Variants in SEC31B observed in about 807,000 individuals in gnomAD.
The protein encoded by SEC31B is protein transport protein Sec31B.
In SEC31B, 113 loss-of-function variants were observed where a neutral mutation model predicts 135.0. The ratio of observed to expected loss-of-function variants is 0.84; its 90% CI spans 0.72 to 0.98. The LOEUF is 0.98. SEC31B is among the 50% of genes least tolerant of loss of function. The pLI, the probability that SEC31B is intolerant of heterozygous loss-of-function variation, is 0.00. For missense variants in SEC31B, 1,296 were observed against 1,421.1 expected (o/e 0.91, Z 1.42); for synonymous variants, 508 against 549.4 (o/e 0.92, Z 1.05).
chr10:100,498,983 C>A (rs748737132), intron 13 of SEC31B, among the ~76,000 whole-genome samples, 177 bp downstream of exon 13: 5 of 152,174 alleles, frequency 3.3e-5, no homozygotes, highest in Non-Finnish European at 5.9e-5. Flanking sequence ...CCACTCCCAG[C>A]CCAAAAGCTT....
rs759530655 is a variant in SEC31B at position 100,507,936 on chromosome 10, A to AT, written c.610dup (p.Ile204AsnfsTer6). On this transcript the variant is annotated frameshift_variant, in exon 6 of 26. Coordinates refer to ENST00000370345, the MANE Select transcript of SEC31B (RefSeq NM_015490.4). LOFTEE classifies it high-confidence loss of function. ...GTTGCTGTGATCACTGACTTTGATG[A>AT]TAGGTTCATTCTTCCTGAGATCCCA... 6.2e-7 allele frequency: 1 copy of AT among 1,614,136 alleles called. No homozygotes were observed. The highest frequency in any genetic ancestry group is 2.2e-5 in the East Asian group (1 of 44,882).
At chr10:100,489,017 G>GTCCTTC in intron 23 of SEC31B, 43 bp from the exon 24 acceptor site, 1 of 1,563,178 alleles carries the variant, frequency 6.4e-7, no homozygotes, top group Non-Finnish European at 8.6e-7. Context: ...GGGGCAAGCT[G>GTCCTTC]TCCTTCTCAT....
rs778281606 is a variant in SEC31B, at chr10:100,499,540, T to C, written c.1469A>G (p.Asp490Gly). Residue 490 changes from aspartate (D) to glycine (G), a missense_variant, in exon 12 of 26, where the codon GAT becomes GGT. Physicochemically the swap from Asp to Gly is moderately conservative, Grantham distance 94 (BLOSUM62 -1). Coordinates refer to ENST00000370345, the MANE Select transcript of SEC31B (RefSeq NM_015490.4). ...KFLKLLGYSK[D>G]ELQKKVATWL... ...GCAGCTTACCTTCTTCTGAAGCTCA[T>C]CTTTACTGTATCCTAAAAGCTTTAG... is the stretch of plus-strand genomic sequence containing the variant. 6.2e-7 allele frequency: 1 copy of C among 1,611,218 alleles called. No homozygotes were observed. The highest frequency in any genetic ancestry group is 1.1e-5 in the South Asian group (1 of 90,198).
At chr10:100,511,605 A>AT (rs1446036820) in intron 3 of SEC31B, among the ~76,000 whole-genome samples, 3 of 152,268 alleles carry the variant, frequency 2.0e-5, no homozygotes, top group South Asian at 2.1e-4. Flanking sequence ...CCCTATGTCT[A>AT]TTTTTTTAAA....
At chr10:100,505,284 A>G (rs569710195) in intron 10 of SEC31B, 77 bp downstream of exon 10, 41 of 1,557,082 alleles carry the variant, frequency 2.6e-5, no homozygotes, top group African/African-American at 2.4e-4. Context: ...TGCTGGGCAC[A>G]TGGTAGGCTT....
rs1372986829 is a variant in SEC31B, at chr10:100,519,808, C to G, written c.-72G>C. 3 of 152,324 alleles carry G rather than the reference C, an allele frequency of 2.0e-5. No homozygotes were observed. Among genetic ancestry groups the G allele is most frequent in the African/African-American group, 7.2e-5 (3 of 41,470 alleles). 9.4% of individuals were successfully genotyped at this position (152,324 alleles called of 1,614,324 possible). A position where few individuals can be genotyped will look rare whatever the true frequency, so the allele number is the denominator to read the frequency against. On this transcript the variant is annotated 5_prime_UTR_variant, in exon 1 of 26. Coordinates refer to ENST00000370345, the MANE Select transcript of SEC31B (RefSeq NM_015490.4). ...TGTGCGGAAGACCCCGGACAAGGGT[C>G]AGGCGCGGCGGCCGGAGCCGCTCCT...
At chr10:100,500,403 C>T (rs1023538463) in intron 11 of SEC31B, among the ~76,000 whole-genome samples, 4 of 152,110 alleles carry the variant, frequency 2.6e-5, no homozygotes, top group Non-Finnish European at 5.9e-5. Flanking sequence ...CAACCTCCAC[C>T]CTCAGGGTTC....
Position 100,488,007 on chromosome 10 carries a change from G to C in SEC31B, c.3360+20C>G. 1 of 1,611,184 alleles carries C rather than the reference G, an allele frequency of 6.2e-7. No individual in the cohort carries two copies. Among genetic ancestry groups the C allele is most frequent in the East Asian group, 2.2e-5 (1 of 44,876 alleles). ...GGTGGAAGTGTAGGAGGCAGTGGGA[G>C]CACAGCTAGCTGTACTTACTGTCCC... On this transcript the variant is annotated intron_variant, in intron 25 of 25. Transcript: ENST00000370345.
At chr10:100,512,248 C>A (rs1420252657) in intron 3 of SEC31B, among the ~76,000 whole-genome samples, 2 of 152,178 alleles carry the variant, frequency 1.3e-5, no homozygotes, top group Non-Finnish European at 2.9e-5. Context: ...GTTATGGGGG[C>A]CACTCCAGAG....
chr10:100,505,787 A>T, intron 9 of SEC31B: 1 of 1,423,486 alleles, frequency 7.0e-7, no homozygotes, highest in South Asian at 1.6e-5. Context: ...TGTCCCAGCA[A>T]AGGGGTCCCA....
intron 2 of SEC31B, among the ~76,000 whole-genome samples, chr10:100,516,484 A>T (rs920652537): frequency 4.0e-5 from 6 of 151,800 alleles, no homozygotes; most frequent in African/African-American, 1.2e-4. Flanking sequence ...TGTCTCTACT[A>T]AAACTACAAA....
chr10:100,507,895 C>T lies in SEC31B; in HGVS notation c.639+13G>A, dbSNP rs567701317. ...CCAGAGCCCAAGCCTGTGTTCTGGC[C>T]TCCAATACTCACCCTGTTGCTGTGA... is the stretch of plus-strand genomic sequence containing the variant. On this transcript the variant is annotated intron_variant, in intron 6 of 25. Transcript: ENST00000370345. The T allele has an allele frequency of 3.7e-6, 6 of 1,614,184 alleles. No homozygotes were observed. In the African/African-American group the frequency reaches 8.0e-5, roughly 22 times the overall value.
intron 3 of SEC31B, among the ~76,000 whole-genome samples, chr10:100,514,395 C>G (rs1307028828): frequency 6.6e-6 from 1 of 152,030 alleles, no homozygotes; most frequent in East Asian, 1.9e-4. Context: ...GGTTGAACCC[C>G]TTTTTTAAGC....
chr10:100,492,846 G>A (rs543832610), intron 19 of SEC31B, among the ~76,000 whole-genome samples: 1 of 152,170 alleles, frequency 6.6e-6, no homozygotes, highest in African/African-American at 2.4e-5. Flanking sequence ...TGAGCTGACA[G>A]GTGATATAAA....
rs550280564 is a variant in SEC31B, at chr10:100,488,059, C to G, written c.3328G>C (p.Glu1110Gln). ...TCACAGAGCTTCTCATATAGATACTCCAGACGCTGGGCTGCCTCTTCCAGC... is the reference window on the plus strand; with the variant it reads ...TCACAGAGCTTCTCATATAGATACTGCAGACGCTGGGCTGCCTCTTCCAGC... ...RKLEEAAQRL[E>Q]YLYEKLCEGT... is the part of the protein sequence containing the mutation. The change falls in exon 25 of 26, where the codon GAG becomes CAG. Residue 1110 changes from glutamate to glutamine, a missense_variant. Transcript: ENST00000370345. 1 of 1,614,150 alleles carries G rather than the reference C, an allele frequency of 6.2e-7. No individual in the cohort carries two copies. The highest frequency in any genetic ancestry group is 1.3e-5 in the African/African-American group (1 of 75,042).
Position 100,500,461 on chromosome 10 carries a change from C to T in SEC31B, c.1411-863G>A, listed in dbSNP as rs142386445. Among the ~76,000 whole-genome samples, 1,327 of 152,130 alleles carry T rather than the reference C, an allele frequency of 8.7e-3. 10 individuals carry two copies. The highest frequency in any genetic ancestry group is 0.014 in the Middle Eastern group (4 of 294). ...TCCTAAGTAGCTGGAATTACAGGCG[C>T]CCTCAACCACGCCCGGCTAATTTTT... On this transcript the variant is annotated intron_variant, in intron 11 of 25. Transcript: ENST00000370345.
intron 18 of SEC31B, among the ~76,000 whole-genome samples, chr10:100,495,756 A>G (rs1013080233): frequency 3.3e-5 from 5 of 152,030 alleles, no homozygotes; most frequent in Non-Finnish European, 5.9e-5. Flanking sequence ...TAAGTGGAAA[A>G]CCGGGATGAG....
chr10:100,509,049 C>T lies in SEC31B; in HGVS notation c.453G>A (p.Leu151=), dbSNP rs765309604. The change falls in exon 5 of 26, where the codon CTG becomes CTA. Residue 151 remains leucine, a synonymous_variant. Transcript: ENST00000370345. ...GGGTCATTGGCACATTCAAGTTATT[C>T]AGATCCCAAATGAAGATTTCAGAAT... ...ASDSEIFIWD[L]NNLNVPMTLG... The T allele has an allele frequency of 6.2e-7, 1 of 1,614,040 alleles. No individual in the cohort carries two copies. The highest frequency in any genetic ancestry group is 8.5e-7 in the Non-Finnish European group (1 of 1,180,032).
chr10:100,503,324 C>G (rs1006329071), intron 10 of SEC31B, among the ~76,000 whole-genome samples: 1 of 152,178 alleles, frequency 6.6e-6, no homozygotes. Flanking sequence ...ACAATCCAGA[C>G]TTGCCAGGCC....
Sources: allele counts gnomAD v4.1 joint callset (sites outside exome capture counted in the v4.1 genomes callset), GRCh38; gene constraint gnomAD v4.1.1; transcripts MANE v1.5; gene names NCBI Gene and HGNC (gene_info 2026-07-23, HGNC 2026-07-21).